The following ERI3 variants were observed in gnomAD, a reference collection of about 807,000 sequenced individuals.
ERI3 encodes ERI1 exoribonuclease family member 3, also known as ERI1 exoribonuclease 3.
A neutral mutation model predicts 44.4 loss-of-function variants in ERI3; 18 were observed. The observed-to-expected ratio is 0.41, with a 90% confidence interval of 0.28 to 0.60. ERI3 has a LOEUF of 0.60. Ranked by LOEUF, ERI3 falls within the 20% of genes least tolerant of loss-of-function variation. The pLI is 0.36. For synonymous variants in ERI3, 183 were observed against 164.8 expected (o/e 1.11, Z -0.84); for missense variants, 294 against 435.5 (o/e 0.68, Z 2.89).
At chr1:44,259,339 G>C (rs1329258188) in intron 7 of ERI3, among the ~76,000 whole-genome samples, 2 of 152,050 alleles carry the variant, frequency 1.3e-5, no homozygotes, top group East Asian at 3.9e-4. Context: ...GGTGACTGGG[G>C]GCATGCTAAG....
rs181773323 is a variant in ERI3 at position 44,287,021 on chromosome 1, T to C, written c.759-2114A>G. ...GACATGCTCTTTTGACCCCACTTCA[T>C]ATTACCTGTGGTCAACCTAAACTGT... On this transcript the variant is annotated intron_variant, in intron 6 of 8. Transcript: ENST00000372257. 3.3e-4 allele frequency among the ~76,000 whole-genome samples: 51 copies of C among 152,364 alleles called. No homozygotes were observed. The East Asian group carries it at 8.1e-3, about 24-fold the overall frequency.
At chr1:44,301,101 T>C (rs1467862210) in intron 6 of ERI3, among the ~76,000 whole-genome samples, 1 of 151,852 alleles carries the variant, frequency 6.6e-6, no homozygotes. Context: ...TTATATCGAG[T>C]GACTTGGATT....
chr1:44,300,620 T>C (rs181486337), intron 6 of ERI3, among the ~76,000 whole-genome samples: 77 of 152,224 alleles, frequency 5.1e-4, no homozygotes, highest in Non-Finnish European at 9.4e-4. Flanking sequence ...AAGAGATGCT[T>C]TGGCTCCACA....
intron 6 of ERI3, among the ~76,000 whole-genome samples, chr1:44,296,953 C>T (rs909825093): frequency 6.6e-6 from 1 of 152,224 alleles, no homozygotes; most frequent in Non-Finnish European, 1.5e-5. Flanking sequence ...TGCTCTAATG[C>T]ACCCTGACAT....
At chr1:44,324,805 C>A (rs1646275385) in intron 3 of ERI3, among the ~76,000 whole-genome samples, 1 of 152,032 alleles carries the variant, frequency 6.6e-6, no homozygotes, top group Non-Finnish European at 1.5e-5. Flanking sequence ...AATGCTAACA[C>A]TGAAACACCA....
intron 7 of ERI3, among the ~76,000 whole-genome samples, chr1:44,250,972 C>G (rs538856906): frequency 6.6e-6 from 1 of 152,176 alleles, no homozygotes; most frequent in Non-Finnish European, 1.5e-5. Flanking sequence ...ACCTGCAGAG[C>G]CTAACCTTCA....
intron 4 of ERI3, among the ~76,000 whole-genome samples, chr1:44,314,046 T>G (rs553942126): frequency 5.9e-5 from 9 of 151,576 alleles, no homozygotes; most frequent in Non-Finnish European, 1.3e-4. Flanking sequence ...GAGGCCCCCA[T>G]GTCCTGGACA....
intron 6 of ERI3, among the ~76,000 whole-genome samples, chr1:44,304,168 TGGATACGCA>T (rs1050801049): frequency 3.9e-5 from 6 of 152,200 alleles, no homozygotes; most frequent in African/African-American, 1.4e-4. Flanking sequence ...AGTAGGTAGC[TGGATACGCA>T]GGTGTGGCGT....
At chr1:44,268,917 G>T (rs547043711) in intron 7 of ERI3, among the ~76,000 whole-genome samples, 1 of 152,270 alleles carries the variant, frequency 6.6e-6, no homozygotes, top group South Asian at 2.1e-4. Context: ...AAGCCTAAAA[G>T]CATTTGGCTT....
At chr1:44,258,131 G>T (rs908675122) in intron 7 of ERI3, among the ~76,000 whole-genome samples, 7 of 152,124 alleles carry the variant, frequency 4.6e-5, no homozygotes, top group Admixed American at 1.3e-4. Flanking sequence ...TTTGAACCTG[G>T]CATGTAACTA....
In ERI3 at chr1:44,221,638, C is replaced by A; in HGVS notation, c.934G>T (p.Asp312Tyr). ...ATGATGTTGGCAATGTTCTTGCAGT[C>A]GTCTAAAAAGGAGAGAAGACATTTA... ...HIGRPHSGID[D>Y]CKNIANIMKT... is the part of the protein sequence containing the mutation. Residue 312 changes from aspartate to tyrosine, a missense_variant and splice_region_variant, in exon 9 of 9, where the codon GAC (aspartate) becomes TAC (tyrosine). By Grantham distance (160) the Asp-to-Tyr change is radical (BLOSUM62 -3). This residue lies in a region of ERI3 where 187 missense variants were observed against 338.6 expected (regional missense o/e 0.55). Coordinates refer to ENST00000372257, the MANE Select transcript of ERI3 (RefSeq NM_024066.3). This position sits in a 1 kb window ranked among gnomAD's most constrained non-coding sequence, Gnocchi z 5.9. 1 of 1,613,720 alleles carries A rather than the reference C, an allele frequency of 6.2e-7. No individual in the cohort carries two copies. Among genetic ancestry groups the A allele is most frequent in the Non-Finnish European group, 8.5e-7 (1 of 1,179,750 alleles).
intron 7 of ERI3, 51 bp from the exon 8 acceptor site, chr1:44,248,089 AC>A (rs1644592829): frequency 3.0e-6 from 4 of 1,326,084 alleles, no homozygotes; most frequent in Non-Finnish European, 4.2e-6. Flanking sequence ...CTCTGAACCA[AC>A]CCCACTCACA....
intron 8 of ERI3, among the ~76,000 whole-genome samples, chr1:44,229,736 G>A (rs56064655): frequency 0.012 from 1,838 of 148,570 alleles, 20 homozygotes; most frequent in Non-Finnish European, 0.016. Context: ...TCCAAGGCCT[G>A]GAAGCGGGAG....
intron 4 of ERI3, 40 bp downstream of exon 4, chr1:44,319,588 C>T (rs1646158918): frequency 2.1e-6 from 3 of 1,462,276 alleles, no homozygotes; most frequent in South Asian, 2.3e-5. Context: ...CCAAAATTCC[C>T]CTCCCAGCAG....
At chr1:44,223,301 T>C (rs1045172749) in intron 8 of ERI3, among the ~76,000 whole-genome samples, 1 of 151,974 alleles carries the variant, frequency 6.6e-6, no homozygotes, top group Non-Finnish European at 1.5e-5. Context: ...TGTGTGTGCC[T>C]ATGCTTTGGG....
intron 5 of ERI3, among the ~76,000 whole-genome samples, chr1:44,310,168 C>T (rs532402366): frequency 4.6e-5 from 7 of 152,228 alleles, no homozygotes; most frequent in Admixed American, 2.0e-4. Context: ...GCACTGGAGA[C>T]GTGACCACAG....
chr1:44,332,604 T>C (rs537464600), intron 3 of ERI3, among the ~76,000 whole-genome samples: 2 of 152,234 alleles, frequency 1.3e-5, no homozygotes, highest in Non-Finnish European at 2.9e-5. Context: ...CATGCATCAG[T>C]GCTCCATTCC....
intron 8 of ERI3, chr1:44,242,212 C>T (rs1195218267): frequency 1.1e-5 from 10 of 922,834 alleles, no homozygotes; most frequent in South Asian, 5.0e-5. Context: ...CTCTGCCCTT[C>T]CCCACAAGGC....
chr1:44,322,663 C>A (rs1194431421), intron 3 of ERI3: 7 of 1,489,918 alleles, frequency 4.7e-6, no homozygotes, highest in Non-Finnish European at 6.3e-6. Context: ...AAAAGAGAAG[C>A]TTCTGAGAAA....
Sources: gnomAD v4.1 joint callset for allele counts (sites outside exome capture counted in the v4.1 genomes callset) on GRCh38, gnomAD v4.1.1 for gene constraint, gnomAD v4.1.1 regional missense constraint, Gnocchi (gnomAD v3.1) non-coding constraint, MANE v1.5 for transcripts, NCBI Gene and HGNC (gene_info 2026-07-23, HGNC 2026-07-21) for gene names.